Variants in CPEB2 observed in about 807,000 individuals in gnomAD.
CPEB2 encodes cytoplasmic polyadenylation element-binding protein 2.
CPEB2 carries 56 observed loss-of-function variants against 93.6 expected under a neutral mutation model. The ratio of observed to expected loss-of-function variants is 0.60; its 90% CI spans 0.48 to 0.75. The LOEUF (loss-of-function observed/expected upper bound fraction) is 0.75, where lower values mean the gene tolerates loss of function less well. CPEB2 is among the 30% of genes least tolerant of loss of function. The pLI, the probability that CPEB2 is intolerant of heterozygous loss-of-function variation, is 0.00. For synonymous variants in CPEB2, 764 were observed against 586.3 expected (o/e 1.30, Z -4.38); for missense variants, 1,579 against 1,395.1 (o/e 1.13, Z -2.10).
intron 8 of CPEB2, among the ~76,000 whole-genome samples, chr4:15,054,753 C>G (rs1728559684): frequency 6.6e-6 from 1 of 152,012 alleles, no homozygotes; most frequent in Non-Finnish European, 1.5e-5. Context: ...GTCGCATGAT[C>G]AAGTCACCAT....
intron 1 of CPEB2, chr4:15,006,395 G>C (rs1722818068): frequency 6.7e-6 from 1 of 149,200 alleles, no homozygotes; most frequent in African/African-American, 2.5e-5. Flanking sequence ...ACTGACAGTA[G>C]AATTACCAGC....
At position 15,002,661 on chromosome 4, in the gene CPEB2, G is replaced by C. The variant is rs983844017; in HGVS notation, c.-13G>C. ...ACGAGGAGCGTCTCCTCCCGCTGCCGGCGGCCTGATAAATGAGGGATTTCG... is the reference window on the plus strand; with the variant it reads ...ACGAGGAGCGTCTCCTCCCGCTGCCCGCGGCCTGATAAATGAGGGATTTCG... On this transcript the variant is annotated 5_prime_UTR_variant, in exon 1 of 12. Coordinates refer to ENST00000538197, the MANE Select transcript of CPEB2 (RefSeq NM_001177382.2). 1 of 1,485,092 alleles carries C rather than the reference G, an allele frequency of 6.7e-7. No homozygotes were observed. Among genetic ancestry groups the C allele is most frequent in the Non-Finnish European group, 8.9e-7 (1 of 1,117,532 alleles). The allele number at this position is 1,485,092 out of a possible 1,614,324, so 92.0% of individuals were successfully genotyped here. A position where few individuals can be genotyped will look rare whatever the true frequency, so the allele number is the denominator to read the frequency against.
At chr4:15,010,086 G>A (rs1443807450) in intron 3 of CPEB2, among the ~76,000 whole-genome samples, 1 of 152,064 alleles carries the variant, frequency 6.6e-6, no homozygotes, top group Admixed American at 6.5e-5. Context: ...ACACAGTGGT[G>A]GGGGAAAAAA....
chr4:15,062,899 A>C (rs1729329943), intron 11 of CPEB2, among the ~76,000 whole-genome samples: 1 of 152,106 alleles, frequency 6.6e-6, no homozygotes, highest in Non-Finnish European at 1.5e-5. Context: ...ACCCCTACTG[A>C]ATAATTCCAA....
chr4:15,042,453 G>T (rs1170611538), intron 6 of CPEB2, among the ~76,000 whole-genome samples: 2 of 152,108 alleles, frequency 1.3e-5, no homozygotes, highest in Non-Finnish European at 2.9e-5. Flanking sequence ...TTCCTGCATT[G>T]GAAGAAGGAA....
At chr4:15,039,912 T>A (rs1430171397) in intron 5 of CPEB2, among the ~76,000 whole-genome samples, 2 of 152,130 alleles carry the variant, frequency 1.3e-5, no homozygotes, top group Non-Finnish European at 2.9e-5. Flanking sequence ...ATTTCTTAAA[T>A]CCTGTCTAAT....
At position 15,067,276 on chromosome 4, in the gene CPEB2, C is replaced by G. The variant is rs1214448580; in HGVS notation, c.*896C>G. The G allele has an allele frequency of 6.6e-6, 1 of 152,390 alleles. No individual in the cohort carries two copies. The highest frequency in any genetic ancestry group is 1.5e-5 in the Non-Finnish European group (1 of 67,952). The allele number at this position is 152,390 out of a possible 1,614,324, so 9.4% of individuals were successfully genotyped here. ...AAACTTGCATGCATTATTGTGACTT[C>G]AAGTTTAAAAAATCGTCTTACATGT... On this transcript the variant is annotated 3_prime_UTR_variant, in exon 12 of 12. Coordinates refer to ENST00000538197, the MANE Select transcript of CPEB2 (RefSeq NM_001177382.2).
chr4:15,007,645 G>GGGT (rs762973473), intron 2 of CPEB2, 59 bp downstream of exon 2: 1 of 1,163,584 alleles, frequency 8.6e-7, no homozygotes, highest in Admixed American at 2.7e-5. Context: ...ATAGGGAGTT[G>GGGT]GGTGGTGGTG....
chr4:15,057,213 G>GT (rs1728795770), intron 8 of CPEB2, among the ~76,000 whole-genome samples: 1 of 152,032 alleles, frequency 6.6e-6, no homozygotes, highest in Admixed American at 6.6e-5. Flanking sequence ...TCTAAGACAT[G>GT]TTTTTTAATC....
At position 15,007,544 on chromosome 4, in the gene CPEB2, G is replaced by A. The variant is rs777331729; in HGVS notation, c.1902G>A (p.Val634=). ...LTPKSWIEDN[V]FRTDNNSNTL... ...CAAAATCTTGGATTGAAGATAATGT[G>A]TTCAGAACAGACAACAATAGTAATA... The change falls in exon 2 of 12, where the codon GTG becomes GTA. Residue 634 remains valine, a synonymous_variant. Coordinates refer to ENST00000538197, the MANE Select transcript of CPEB2 (RefSeq NM_001177382.2). The A allele has an allele frequency of 1.4e-5, 22 of 1,612,358 alleles. No homozygotes were observed. The highest frequency in any genetic ancestry group is 1.9e-5 in the Non-Finnish European group (22 of 1,178,888).
At chr4:15,026,438 G>C (rs1725489061) in intron 4 of CPEB2, among the ~76,000 whole-genome samples, 2 of 152,130 alleles carry the variant, frequency 1.3e-5, no homozygotes, top group Non-Finnish European at 2.9e-5. Flanking sequence ...ATGTTAGCCA[G>C]GATGGTCTTG....
Position 15,004,190 on chromosome 4 carries a change from A to T in CPEB2, c.1517A>T (p.Asn506Ile). 2 of 1,428,754 alleles carry T rather than the reference A, an allele frequency of 1.4e-6. No homozygotes were observed. The highest frequency in any genetic ancestry group is 1.8e-6 in the Non-Finnish European group (2 of 1,089,988). The allele number at this position is 1,428,754 out of a possible 1,614,324, so 88.5% of individuals were successfully genotyped here. The change falls in exon 1 of 12, where the codon AAT becomes ATT. Residue 506 changes from asparagine (N) to isoleucine (I), a missense_variant. This residue lies in a region of CPEB2 where 1,411 missense variants were observed against 1,056.0 expected (regional missense o/e 1.34). Transcript: ENST00000538197. ...CCCCCTCCGCCGCCGCCCGCCATGAATATACCTCAACAGCAGCCCCCGCCG... is the reference window on the plus strand; with the variant it reads ...CCCCCTCCGCCGCCGCCCGCCATGATTATACCTCAACAGCAGCCCCCGCCG... The part of the protein sequence containing the change: ...AVPPPPPPAM[N>I]IPQQQPPPPA...
chr4:15,005,591 G>A (rs146193437), intron 1 of CPEB2, among the ~76,000 whole-genome samples: 127 of 152,256 alleles, frequency 8.3e-4, no homozygotes, highest in Middle Eastern at 6.8e-3. Context: ...CGTGATTAAG[G>A]ATTGACAGAG....
intron 9 of CPEB2, among the ~76,000 whole-genome samples, chr4:15,058,940 C>G (rs1401934655): frequency 6.6e-6 from 1 of 152,116 alleles, no homozygotes; most frequent in East Asian, 1.9e-4. Flanking sequence ...ATCTCGAAAC[C>G]ATCCTCCACC....
intron 3 of CPEB2, 83 bp downstream of exon 3, chr4:15,008,510 C>A: frequency 1.2e-6 from 1 of 820,804 alleles, no homozygotes; most frequent in Non-Finnish European, 1.9e-6. Flanking sequence ...TATTTACTTT[C>A]TTATTATACC....
rs1247466698 is a variant in CPEB2 at position 15,002,535 on chromosome 4, G to T, written c.-139G>T. The T allele has an allele frequency of 3.2e-6, 2 of 619,912 alleles. No homozygotes were observed. The highest frequency in any genetic ancestry group is 5.0e-6 in the Non-Finnish European group (2 of 400,292). The allele number at this position is 619,912 out of a possible 1,614,324, so 38.4% of individuals were successfully genotyped here. A position where few individuals can be genotyped will look rare whatever the true frequency, so the allele number is the denominator to read the frequency against. ...GAGGGGTGGTGGGGCCGAAGTCGGTGCCCCCTGGCTCAGTCACGGTGTCCC... is the reference window on the plus strand; with the variant it reads ...GAGGGGTGGTGGGGCCGAAGTCGGTTCCCCCTGGCTCAGTCACGGTGTCCC... On this transcript the variant is annotated 5_prime_UTR_variant, in exon 1 of 12. Coordinates refer to ENST00000538197, the MANE Select transcript of CPEB2 (RefSeq NM_001177382.2).
intron 1 of CPEB2, 86 bp from the exon 2 acceptor site, chr4:15,007,219 A>G (rs2108952731): frequency 8.6e-7 from 1 of 1,163,940 alleles, no homozygotes; most frequent in Non-Finnish European, 1.2e-6. Flanking sequence ...TTTCATTCAT[A>G]TAAATTCTTA....
At chr4:15,026,231 TG>T (rs1725450001) in intron 4 of CPEB2, among the ~76,000 whole-genome samples, 1 of 150,354 alleles carries the variant, frequency 6.7e-6, no homozygotes, top group South Asian at 2.1e-4. Flanking sequence ...TTTTTGTTTT[TG>T]TTTTTGTTTT....
chr4:15,040,373 G>A (rs1189245773), intron 5 of CPEB2, 91 bp from the exon 6 acceptor site: 2 of 1,178,216 alleles, frequency 1.7e-6, no homozygotes, highest in Non-Finnish European at 2.4e-6. Flanking sequence ...ATTTTCAGAT[G>A]CCCACATAGC....
Sources: gnomAD v4.1 joint callset for allele counts (sites outside exome capture counted in the v4.1 genomes callset) on GRCh38, gnomAD v4.1.1 for gene constraint, gnomAD v4.1.1 regional missense constraint, MANE v1.5 for transcripts, NCBI Gene and HGNC (gene_info 2026-07-23, HGNC 2026-07-21) for gene names.